Variants in ANKS1B observed in about 807,000 individuals in gnomAD.
ANKS1B encodes ankyrin repeat and sterile alpha motif domain-containing protein 1B.
A neutral mutation model predicts 148.3 loss-of-function variants in ANKS1B; 36 were observed. The ratio of observed to expected loss-of-function variants is 0.24; its 90% CI spans 0.19 to 0.32. The LOEUF (loss-of-function observed/expected upper bound fraction) is 0.32, where lower values mean the gene tolerates loss of function less well. ANKS1B is among the 10% of genes least tolerant of loss of function. The probability of loss-of-function intolerance (pLI) is 1.00; values close to 1 mark genes in which losing one functional copy is unlikely to be tolerated. For synonymous variants in ANKS1B, 542 were observed against 560.8 expected, an observed-to-expected ratio of 0.97 and a Z score of 0.47; for missense variants, 1,157 against 1,542.6, an observed-to-expected ratio of 0.75 and a Z score of 4.19.
intron 12 of ANKS1B, among the ~76,000 whole-genome samples, chr12:99,321,322 G>A (rs1262537683): frequency 6.6e-6 from 1 of 152,208 alleles, no homozygotes; most frequent in Non-Finnish European, 1.5e-5. Flanking sequence ...ACAGAGGCAG[G>A]CAGGCCACCT....
intron 1 of ANKS1B, among the ~76,000 whole-genome samples, chr12:99,955,245 T>C: frequency 6.6e-6 from 1 of 152,052 alleles, no homozygotes; most frequent in Non-Finnish European, 1.5e-5. Context: ...AGGGTGACAA[T>C]ATGGTTTGAC....
chr12:99,971,755 A>T (rs369808778), intron 1 of ANKS1B, among the ~76,000 whole-genome samples: 1 of 152,232 alleles, frequency 6.6e-6, no homozygotes, highest in African/African-American at 2.4e-5. Flanking sequence ...AATTTTTTTA[A>T]AAAGAAAAAC....
chr12:99,138,492 C>T (rs1161746462), intron 15 of ANKS1B, among the ~76,000 whole-genome samples: 1 of 152,210 alleles, frequency 6.6e-6, no homozygotes, highest in Non-Finnish European at 1.5e-5. Context: ...TAATTAGTCT[C>T]AGACAGCTGT....
At chr12:99,329,075 A>G (rs1216344250) in intron 12 of ANKS1B, among the ~76,000 whole-genome samples, 2 of 152,012 alleles carry the variant, frequency 1.3e-5, no homozygotes, top group Non-Finnish European at 2.9e-5. Context: ...AGAAAAATGA[A>G]CAGAGCCTCA....
intron 17 of ANKS1B, among the ~76,000 whole-genome samples, chr12:98,972,037 G>A (rs1010326046): frequency 4.6e-5 from 7 of 152,072 alleles, no homozygotes; most frequent in South Asian, 4.1e-4. Flanking sequence ...GCGTGGTGGC[G>A]TGCACTTGTA....
rs1248882022 is a variant in ANKS1B at position 99,325,799 on chromosome 12, G to T, written c.1756+73832C>A. 5.9e-5 allele frequency among the ~76,000 whole-genome samples: 9 copies of T among 152,082 alleles called. No homozygotes were observed. The East Asian group carries it at 1.5e-3, about 26-fold the overall frequency. ...ATAATCAATGCAATGGCTACTAAGA[G>T]GTGGCAGTGGTCCAGTCAAAGCAAA... is the stretch of plus-strand genomic sequence containing the variant. On this transcript the variant is annotated intron_variant, in intron 12 of 26. Coordinates refer to ENST00000683438, the MANE Select transcript of ANKS1B (RefSeq NM_001352186.2).
chr12:99,340,073 ATTTATT>A (rs2152325481), intron 12 of ANKS1B, among the ~76,000 whole-genome samples: 1 of 152,050 alleles, frequency 6.6e-6, no homozygotes, highest in Non-Finnish European at 1.5e-5. Flanking sequence ...CATTTTATTT[ATTTATT>A]TTTAATTTTA....
intron 17 of ANKS1B, among the ~76,000 whole-genome samples, chr12:98,973,307 A>T (rs1161912271): frequency 6.6e-6 from 1 of 152,156 alleles, no homozygotes; most frequent in Non-Finnish European, 1.5e-5. Context: ...ATGCTGCCAC[A>T]TAGCAGATGA....
At chr12:98,902,922 G>A (rs1304851705) in intron 17 of ANKS1B, among the ~76,000 whole-genome samples, 1 of 152,170 alleles carries the variant, frequency 6.6e-6, no homozygotes, top group Admixed American at 6.5e-5. Flanking sequence ...CTTATCAGCT[G>A]TGTAAGTGAG....
intron 17 of ANKS1B, among the ~76,000 whole-genome samples, chr12:98,929,041 TACACACACACACACAC>T (rs146522154): frequency 6.9e-6 from 1 of 144,824 alleles, no homozygotes; most frequent in Non-Finnish European, 1.5e-5. Context: ...AAAACCCTAA[TACACACACACACACAC>T]ACACACACAC....
At chr12:99,730,016 G>A (rs973954257) in intron 8 of ANKS1B, among the ~76,000 whole-genome samples, 2 of 152,152 alleles carry the variant, frequency 1.3e-5, no homozygotes, top group African/African-American at 4.8e-5. Context: ...GTGCATGTAT[G>A]CTCACATATG....
chr12:98,950,296 A>G (rs990044456), intron 17 of ANKS1B, among the ~76,000 whole-genome samples: 3 of 152,222 alleles, frequency 2.0e-5, no homozygotes, highest in African/African-American at 7.2e-5. Context: ...CAGGAGTTCG[A>G]GACCAGCCTG....
chr12:99,914,089 T>A (rs1173830596), intron 1 of ANKS1B, among the ~76,000 whole-genome samples: 2 of 152,162 alleles, frequency 1.3e-5, no homozygotes, highest in Non-Finnish European at 2.9e-5. Context: ...CATTTTCTCT[T>A]TATTCTTCCT....
At chr12:98,925,946 A>G (rs1305336199) in intron 17 of ANKS1B, among the ~76,000 whole-genome samples, 1 of 152,192 alleles carries the variant, frequency 6.6e-6, no homozygotes, top group Non-Finnish European at 1.5e-5. Flanking sequence ...GAAACTAAAA[A>G]AAGAATGACC....
intron 8 of ANKS1B, among the ~76,000 whole-genome samples, chr12:99,701,683 C>T (rs1032471066): frequency 2.6e-5 from 4 of 151,990 alleles, no homozygotes; most frequent in Non-Finnish European, 5.9e-5. Context: ...CCCATCCCCG[C>T]CCCCAACACT....
intron 14 of ANKS1B, among the ~76,000 whole-genome samples, chr12:99,167,498 A>G (rs2077306103): frequency 6.6e-6 from 1 of 152,208 alleles, no homozygotes; most frequent in South Asian, 2.1e-4. Flanking sequence ...ACTAGCCATT[A>G]GGAAAATGCA....
At chr12:98,960,743 C>T (rs1397125800) in intron 17 of ANKS1B, among the ~76,000 whole-genome samples, 1 of 151,988 alleles carries the variant, frequency 6.6e-6, no homozygotes, top group Non-Finnish European at 1.5e-5. Context: ...TGAGGAAATG[C>T]AATGAAATTC....
intron 16 of ANKS1B, among the ~76,000 whole-genome samples, chr12:99,075,901 T>C (rs2047719530): frequency 6.7e-6 from 1 of 148,834 alleles, no homozygotes; most frequent in African/African-American, 2.4e-5. Flanking sequence ...TTGTATATAA[T>C]AGGTTATAAT....
chr12:98,734,793 A>T (rs990509490), exon 10 of ANKS1B: 1 of 176,540 alleles, frequency 5.7e-6, no homozygotes, highest in Admixed American at 6.3e-5. Flanking sequence ...ATGTCTCCTT[A>T]GAATACCCAA....
Sources: allele counts gnomAD v4.1 joint callset (sites outside exome capture counted in the v4.1 genomes callset), GRCh38; gene constraint gnomAD v4.1.1; transcripts MANE v1.5; gene names NCBI Gene and HGNC (gene_info 2026-07-23, HGNC 2026-07-21).